ADGRF5: variants seen among roughly 807,000 people sequenced by gnomAD.
The protein encoded by ADGRF5 is G-protein coupled receptor 116.
A neutral mutation model predicts 132.3 loss-of-function variants in ADGRF5; 75 were observed. The observed-to-expected ratio is 0.57, with a 90% CI of 0.47 to 0.69. The LOEUF (loss-of-function observed/expected upper bound fraction) is 0.69, where lower values mean the gene tolerates loss of function less well. Ranked by LOEUF, ADGRF5 falls within the 30% of genes least tolerant of loss-of-function variation. The pLI, the probability that ADGRF5 is intolerant of heterozygous loss-of-function variation, is 0.00. For synonymous variants in ADGRF5, 629 were observed against 597.6 expected, an observed-to-expected ratio of 1.05 and a Z score of -0.77; for missense variants, 1,516 against 1,630.6, an observed-to-expected ratio of 0.93 and a Z score of 1.21.
rs73736305 is a variant in ADGRF5 at position 46,938,070 on chromosome 6, G to T, written c.-25+16664C>A. Reference sequence around the variant, plus strand: ...ATTCAGAGTTATCAATACCAGAAATGTTTCCTATTACATGTAACTTATGAA... The same window carrying T: ...ATTCAGAGTTATCAATACCAGAAATTTTTCCTATTACATGTAACTTATGAA... On this transcript the variant is annotated intron_variant, in intron 1 of 20. Transcript: ENST00000265417. Among the ~76,000 whole-genome samples the T allele has an allele frequency of 3.2e-3, 480 of 152,246 alleles. 4 individuals are homozygous for T. Among genetic ancestry groups the T allele is most frequent in the African/African-American group, 0.011 (456 of 41,534 alleles).
intron 1 of ADGRF5, among the ~76,000 whole-genome samples, chr6:46,908,376 G>C (rs1775609056): frequency 1.3e-5 from 2 of 152,080 alleles, no homozygotes; most frequent in Admixed American, 6.5e-5. Context: ...CAGGTATTTA[G>C]GAGGCAAAGT....
chr6:46,939,011 C>T (rs1777955948), intron 1 of ADGRF5, among the ~76,000 whole-genome samples: 1 of 152,018 alleles, frequency 6.6e-6, no homozygotes, highest in Non-Finnish European at 1.5e-5. Flanking sequence ...GCTGGGACTA[C>T]AGGTGAGTGC....
At chr6:46,924,689 T>C (rs1033852576), upstream of ADGRF5, among the ~76,000 whole-genome samples, 1 of 152,148 alleles carries the variant, frequency 6.6e-6, no homozygotes, top group Non-Finnish European at 1.5e-5. Context: ...ACAGAACATG[T>C]CCCAAACTAA....
intron 11 of ADGRF5, 131 bp from the exon 12 acceptor site, chr6:46,869,223 C>T: frequency 6.7e-7 from 1 of 1,490,118 alleles, no homozygotes. Context: ...CCTGACTCTA[C>T]TCATGTCAAG....
chr6:46,875,731 T>G (rs1277616305), intron 10 of ADGRF5, among the ~76,000 whole-genome samples: 2 of 151,980 alleles, frequency 1.3e-5, no homozygotes, highest in African/African-American at 2.4e-5. Context: ...GAGTCGAGAT[T>G]GCGCCACTGC....
rs373034396 is a variant in ADGRF5 at position 46,952,654 on chromosome 6, C to T, written c.-25+2080G>A. On this transcript the variant is annotated intron_variant, in intron 1 of 20. Coordinates refer to the ADGRF5 transcript ENST00000265417. ...CTTGGAAGATTCAAACTATAGATCT[C>T]GATCTGATAATTAGGGTTTTTCAGA... Among the ~76,000 whole-genome samples, 65 of 152,264 alleles carry T rather than the reference C, an allele frequency of 4.3e-4. 1 individual carries two copies. In the South Asian group the frequency reaches 0.011, roughly 26 times the overall value.
intron 1 of ADGRF5, among the ~76,000 whole-genome samples, chr6:46,920,660 C>T (rs979000784): frequency 1.2e-4 from 18 of 151,908 alleles, no homozygotes; most frequent in African/African-American, 1.7e-4. Context: ...GTCAGGAGTT[C>T]GAGACCAACC....
chr6:46,953,985 T>C (rs780229467), intron 1 of ADGRF5, among the ~76,000 whole-genome samples: 11 of 151,856 alleles, frequency 7.2e-5, no homozygotes, highest in Non-Finnish European at 1.3e-4. Flanking sequence ...AAATTTATAG[T>C]GGTACTTAAA....
At chr6:46,951,992 T>A (rs1329380341) in intron 1 of ADGRF5, among the ~76,000 whole-genome samples, 1 of 152,198 alleles carries the variant, frequency 6.6e-6, no homozygotes, top group Non-Finnish European at 1.5e-5. Flanking sequence ...GTGCAGAGGC[T>A]CTGTGGATAT....
intron 8 of ADGRF5, 54 bp from the exon 9 acceptor site, chr6:46,880,093 T>C (rs1772282210): frequency 8.1e-7 from 1 of 1,233,930 alleles, no homozygotes; most frequent in Non-Finnish European, 1.2e-6. Flanking sequence ...ATGTCACTGA[T>C]GCTACTCACC....
chr6:46,905,634 G>A (rs1214491623), intron 2 of ADGRF5, among the ~76,000 whole-genome samples: 1 of 151,776 alleles, frequency 6.6e-6, no homozygotes, highest in African/African-American at 2.4e-5. Context: ...ACAAACAAAA[G>A]CAGAAATGAC....
chr6:46,900,869 C>T (rs1277003460), intron 2 of ADGRF5, among the ~76,000 whole-genome samples: 1 of 152,178 alleles, frequency 6.6e-6, no homozygotes, highest in Non-Finnish European at 1.5e-5. Flanking sequence ...AGTAAGGACT[C>T]TGCAGACATT....
intron 17 of ADGRF5, 54 bp from the exon 18 acceptor site, chr6:46,856,962 G>A: frequency 7.2e-7 from 1 of 1,384,916 alleles, no homozygotes; most frequent in South Asian, 1.2e-5. Flanking sequence ...CTATTGTCCA[G>A]CAAAGGAGGA....
rs561755278 is a variant in ADGRF5 at position 46,854,917 on chromosome 6, G to A, written c.3962-846C>T. On this transcript the variant is annotated intron_variant, in intron 20 of 20. Coordinates refer to ENST00000283296, the MANE Select transcript of ADGRF5 (RefSeq NM_001098518.2). ...TTGAAGCAGAAAAAACCCAAGTCCT[G>A]TGGAGTTTTAACAGTTATAGGAATT... is the stretch of plus-strand genomic sequence containing the variant. 4.7e-4 allele frequency: 183 copies of A among 392,624 alleles called. 1 individual carries two copies. Among genetic ancestry groups the A allele is most frequent in the African/African-American group, 3.7e-3 (175 of 47,816 alleles). 24.3% of individuals were successfully genotyped at this position (392,624 alleles called of 1,614,324 possible).
intron 1 of ADGRF5, among the ~76,000 whole-genome samples, chr6:46,920,697 T>C (rs927307367): frequency 2.0e-5 from 3 of 151,978 alleles, no homozygotes; most frequent in Admixed American, 6.5e-5. Flanking sequence ...ACCCCATCTC[T>C]ACTAAAAATA....
chr6:46,917,154 T>C (rs181630101), intron 1 of ADGRF5, among the ~76,000 whole-genome samples: 1 of 152,372 alleles, frequency 6.6e-6, no homozygotes, highest in East Asian at 1.9e-4. Flanking sequence ...ATGAGAAGTA[T>C]CATCATCTTC....
intron 2 of ADGRF5, 74 bp from the exon 3 acceptor site, chr6:46,900,157 C>T: frequency 9.2e-7 from 1 of 1,089,430 alleles, no homozygotes; most frequent in Non-Finnish European, 1.4e-6. Flanking sequence ...CGCTTAGATA[C>T]CCCTAAATGT....
rs1165722656 is a variant in ADGRF5, at chr6:46,913,128, G to A, written c.-24-6342C>T. On this transcript the variant is annotated intron_variant, in intron 1 of 20. Coordinates refer to ENST00000283296, the MANE Select transcript of ADGRF5 (RefSeq NM_001098518.2). The stretch of plus-strand genomic sequence containing the variant: ...AAATAGTGGCTAATCGCCTGAGACA[G>A]GAATGAAACCAGAGAGGCAGGAACA... Among the ~76,000 whole-genome samples, 3 of 152,164 alleles carry A rather than the reference G, an allele frequency of 2.0e-5. No individual in the cohort carries two copies. In the East Asian group the frequency reaches 5.8e-4, roughly 29 times the overall value.
At position 46,942,107 on chromosome 6, in the gene ADGRF5, G is replaced by A. The variant is rs984369223; in HGVS notation, c.-25+12627C>T. ...AACTCTCACTGTCCTTCAAGGCCCA[G>A]GTCAAGGTCATTCCCTGTAAGAAGC... On this transcript the variant is annotated intron_variant, in intron 1 of 20. Transcript: ENST00000265417. 2.0e-5 allele frequency among the ~76,000 whole-genome samples: 3 copies of A among 152,086 alleles called. No individual in the cohort carries two copies. The East Asian group carries it at 5.8e-4, about 29-fold the overall frequency.
Sources: gnomAD v4.1 joint callset for allele counts (sites outside exome capture counted in the v4.1 genomes callset) on GRCh38, gnomAD v4.1.1 for gene constraint, MANE v1.5 for transcripts, NCBI Gene and HGNC (gene_info 2026-07-23, HGNC 2026-07-21) for gene names.